LAMA2: variants seen among roughly 807,000 people sequenced by gnomAD.
The protein encoded by LAMA2 is laminin subunit alpha-2.
A neutral mutation model predicts 364.8 loss-of-function variants in LAMA2; 269 were observed. The observed-to-expected ratio is 0.74, with a 90% CI of 0.67 to 0.82. The LOEUF (loss-of-function observed/expected upper bound fraction) is 0.82. Among genes scored for constraint, LAMA2 ranks in the 40% least tolerant of loss-of-function variants. LAMA2 has a pLI of 0.00. For missense variants in LAMA2, 3,807 were observed against 3,873.2 expected, an observed-to-expected ratio of 0.98 and a Z score of 0.45; for synonymous variants, 1,379 against 1,370.6, an observed-to-expected ratio of 1.01 and a Z score of -0.14.
chr6:129,257,290 A>G (rs1562386124), intron 14 of LAMA2, among the ~76,000 whole-genome samples: 1 of 152,118 alleles, frequency 6.6e-6, no homozygotes, highest in Non-Finnish European at 1.5e-5. Flanking sequence ...AACAAATAGC[A>G]GAACCTAATG....
chr6:129,239,206 A>C (rs901244353), intron 12 of LAMA2, among the ~76,000 whole-genome samples: 1 of 152,208 alleles, frequency 6.6e-6, no homozygotes, highest in Non-Finnish European at 1.5e-5. Flanking sequence ...GAGACTTGAC[A>C]CAAAGAGAGA....
intron 34 of LAMA2, among the ~76,000 whole-genome samples, chr6:129,371,511 C>T (rs1302652077): frequency 6.6e-6 from 1 of 151,936 alleles, no homozygotes; most frequent in Admixed American, 6.6e-5. Flanking sequence ...GGAATTATGA[C>T]ACTGGGGATA....
intron 43 of LAMA2, among the ~76,000 whole-genome samples, chr6:129,442,552 A>G (rs923365779): frequency 2.0e-5 from 3 of 152,276 alleles, no homozygotes; most frequent in Non-Finnish European, 2.9e-5. Flanking sequence ...GTTCAGGCGT[A>G]TAAGTGCAGG....
chr6:129,413,047 T>C (rs898927397), intron 40 of LAMA2, among the ~76,000 whole-genome samples: 7 of 152,210 alleles, frequency 4.6e-5, no homozygotes, highest in African/African-American at 1.7e-4. Flanking sequence ...AAGGGATTCG[T>C]CTATGTATGA....
At chr6:129,076,170 G>A (rs1773620787) in intron 3 of LAMA2, among the ~76,000 whole-genome samples, 1 of 151,784 alleles carries the variant, frequency 6.6e-6, no homozygotes, top group Non-Finnish European at 1.5e-5. Flanking sequence ...TGTGCACTGG[G>A]AAAGAGACTG....
Position 129,492,450 on chromosome 6 carries a change from A to C in LAMA2, c.8211A>C (p.Pro2737=), listed in dbSNP as rs369596190. 9.9e-6 allele frequency: 16 copies of C among 1,610,106 alleles called. No homozygotes were observed. Among genetic ancestry groups the C allele is most frequent in the Non-Finnish European group, 1.4e-5 (16 of 1,176,968 alleles). ...IVIQPEPVPT[P]AFPTPTPVLT... is the part of the protein sequence containing the mutation. ...TCCAGCCTGAGCCAGTTCCCACCCC[A>C]GCCTTTCCTACGCCCACCCCAGTTC... The change falls in exon 58 of 65, where the codon CCA becomes CCC. Residue 2737 remains proline (P), a synonymous_variant. Coordinates refer to ENST00000421865, the MANE Select transcript of LAMA2 (RefSeq NM_000426.4).
chr6:129,239,879 G>A (rs2115153207), intron 12 of LAMA2, among the ~76,000 whole-genome samples: 1 of 152,254 alleles, frequency 6.6e-6, no homozygotes, highest in Admixed American at 6.5e-5. Flanking sequence ...TAGGATTGAT[G>A]TATATATGAA....
chr6:129,034,194 A>C (rs1786442670), intron 1 of LAMA2, among the ~76,000 whole-genome samples: 1 of 152,112 alleles, frequency 6.6e-6, no homozygotes, highest in Non-Finnish European at 1.5e-5. Context: ...TGTTTTGCTA[A>C]CTTTTGTTTT....
intron 1 of LAMA2, among the ~76,000 whole-genome samples, chr6:128,939,252 T>C (rs1422282264): frequency 6.6e-6 from 1 of 152,166 alleles, no homozygotes; most frequent in African/African-American, 2.4e-5. Flanking sequence ...ATATTAATAA[T>C]TTTTTGTTCT....
At chr6:129,355,850 CAGAAA>C (rs906385972) in intron 32 of LAMA2, among the ~76,000 whole-genome samples, 3 of 152,128 alleles carry the variant, frequency 2.0e-5, no homozygotes, top group African/African-American at 7.2e-5. Flanking sequence ...ATTTCAAAAA[CAGAAA>C]AGAAAAGAAA....
intron 1 of LAMA2, among the ~76,000 whole-genome samples, chr6:129,032,209 A>G (rs1203411075): frequency 6.6e-6 from 1 of 152,254 alleles, no homozygotes; most frequent in East Asian, 1.9e-4. Flanking sequence ...TAAACAAAAC[A>G]TACATAGTCT....
intron 1 of LAMA2, among the ~76,000 whole-genome samples, chr6:128,946,205 C>A (rs966135811): frequency 2.0e-5 from 3 of 152,150 alleles, no homozygotes; most frequent in African/African-American, 7.2e-5. Flanking sequence ...GTAATAAAAA[C>A]CAAATACAAA....
At chr6:129,298,274 A>G (rs544266725) in intron 21 of LAMA2, among the ~76,000 whole-genome samples, 60 of 152,290 alleles carry the variant, frequency 3.9e-4, no homozygotes, top group African/African-American at 1.4e-3. Context: ...CCGGATCAAG[A>G]AAAGTCAAGG....
intron 32 of LAMA2, among the ~76,000 whole-genome samples, chr6:129,355,834 T>G (rs1777121271): frequency 6.6e-6 from 1 of 152,138 alleles, no homozygotes; most frequent in South Asian, 2.1e-4. Context: ...CATCATGGAT[T>G]TGTGTATTTC....
intron 40 of LAMA2, among the ~76,000 whole-genome samples, chr6:129,424,896 A>C (rs1478898681): frequency 6.6e-6 from 1 of 152,044 alleles, no homozygotes; most frequent in Non-Finnish European, 1.5e-5. Flanking sequence ...TCACCCAAAA[A>C]TTTGTACACA....
chr6:129,432,178 G>A (rs1420718526), intron 41 of LAMA2, among the ~76,000 whole-genome samples: 4 of 152,124 alleles, frequency 2.6e-5, no homozygotes, highest in Non-Finnish European at 5.9e-5. Flanking sequence ...ACTGTGGTCT[G>A]GAGAACAAAG....
At chr6:129,253,771 A>G (rs1017512849) in intron 14 of LAMA2, among the ~76,000 whole-genome samples, 1 of 152,174 alleles carries the variant, frequency 6.6e-6, no homozygotes, top group Non-Finnish European at 1.5e-5. Flanking sequence ...TTTATGTTGG[A>G]CAGTTTCAGT....
chr6:129,371,378 AAATATT>A (rs1478173767), intron 34 of LAMA2, among the ~76,000 whole-genome samples: 2 of 152,146 alleles, frequency 1.3e-5, no homozygotes, highest in African/African-American at 4.8e-5. Context: ...AATTCTGGAG[AAATATT>A]TAATAATAGA....
At chr6:128,956,650 G>A (rs184808913) in intron 1 of LAMA2, among the ~76,000 whole-genome samples, 17 of 151,960 alleles carry the variant, frequency 1.1e-4, no homozygotes, top group East Asian at 7.7e-4. Flanking sequence ...TTTCTCCTTC[G>A]CAATTATTGC....
Sources: gnomAD v4.1 joint callset for allele counts (sites outside exome capture counted in the v4.1 genomes callset) on GRCh38, gnomAD v4.1.1 for gene constraint, MANE v1.5 for transcripts, NCBI Gene and HGNC (gene_info 2026-07-23, HGNC 2026-07-21) for gene names.